The following HTR2C variants were observed in gnomAD, a reference collection of about 807,000 sequenced individuals.
HTR2C encodes the protein 5-hydroxytryptamine receptor 2C, also known as 5-hydroxytryptamine (serotonin) receptor 2C, G protein-coupled.
HTR2C carries 5 observed loss-of-function variants against 21.0 expected under a neutral mutation model. That is an observed-to-expected ratio of 0.24 (90% CI 0.12 to 0.50). The LOEUF (loss-of-function observed/expected upper bound fraction) is 0.50. Ranked by LOEUF, HTR2C falls within the 20% of genes least tolerant of loss-of-function variation. HTR2C has a pLI of 0.98. For synonymous variants in HTR2C, 150 were observed against 145.3 expected (o/e 1.03, Z -0.23); for missense variants, 271 against 371.2 (o/e 0.73, Z 2.22).
At chrX:114,798,017 A>T (rs908255437) in intron 4 of HTR2C, among the ~76,000 whole-genome samples, 8 of 110,917 alleles carry the variant, frequency 7.2e-5, no homozygotes, top group Non-Finnish European at 1.5e-4. Context: ...TCAAACAAGT[A>T]TAAATATAAA....
At chrX:114,858,850 T>C (rs1469389891) in intron 5 of HTR2C, among the ~76,000 whole-genome samples, 1 of 110,995 alleles carries the variant, frequency 9.0e-6, no homozygotes, top group African/African-American at 3.3e-5. Context: ...TTCCCTTTTA[T>C]TCTATATTTT....
chrX:114,680,680 G>T (rs1326501015), intron 2 of HTR2C, among the ~76,000 whole-genome samples: 2 of 111,261 alleles, frequency 1.8e-5, no homozygotes, highest in African/African-American at 6.5e-5. Context: ...TTCACATGGG[G>T]ATTTCATCTC....
intron 4 of HTR2C, among the ~76,000 whole-genome samples, chrX:114,821,696 A>G (rs782767853): frequency 9.0e-6 from 1 of 110,924 alleles, no homozygotes; most frequent in Non-Finnish European, 1.9e-5. Flanking sequence ...GTCATTAGTT[A>G]TTAAGAAGAT....
chrX:114,907,086 C>A lies in HTR2C; in HGVS notation c.1048C>A (p.Leu350Met). 8.3e-7 allele frequency: 1 copy of A among 1,211,279 alleles called. No individual in the cohort carries two copies. ...SCNQKLMEKL[L>M]NVFVWIGYVC... ...TAACCAAAAGCTCATGGAAAAGCTTCTGAATGTGTTTGTTTGGATTGGCTA... is the reference window on the plus strand; with the variant it reads ...TAACCAAAAGCTCATGGAAAAGCTTATGAATGTGTTTGTTTGGATTGGCTA... Residue 350 changes from leucine (L) to methionine (M), a missense_variant, in exon 6 of 6, where the codon CTG becomes ATG. Physicochemically the swap from Leu to Met is conservative, Grantham distance 15. Coordinates refer to ENST00000276198, the MANE Select transcript of HTR2C (RefSeq NM_000868.4).
chrX:114,811,766 T>C (rs782514834), intron 4 of HTR2C, among the ~76,000 whole-genome samples: 4 of 112,215 alleles, frequency 3.6e-5, no homozygotes, highest in East Asian at 2.8e-4. Flanking sequence ...TGGGAAACTA[T>C]TGCCTTCTGA....
intron 4 of HTR2C, among the ~76,000 whole-genome samples, chrX:114,826,816 T>C (rs924358327): frequency 1.8e-5 from 2 of 111,937 alleles, no homozygotes; most frequent in African/African-American, 3.2e-5. Flanking sequence ...AATGCAATTA[T>C]TGATTTGTTT....
intron 4 of HTR2C, 118 bp downstream of exon 4, chrX:114,731,725 C>T (rs1052549546): frequency 2.3e-5 from 12 of 530,666 alleles, no homozygotes; most frequent in South Asian, 8.1e-5. Flanking sequence ...AAAAGCAAAT[C>T]GTGTGACAGA....
At chrX:114,733,491 C>T (rs185449859) in intron 4 of HTR2C, among the ~76,000 whole-genome samples, 224 of 108,970 alleles carry the variant, frequency 2.1e-3, no homozygotes, top group Admixed American at 4.1e-3. Flanking sequence ...AGAAGGTCAG[C>T]TTTCAGATAA....
At chrX:114,608,168 G>A (rs1299379085) in intron 1 of HTR2C, among the ~76,000 whole-genome samples, 1 of 111,279 alleles carries the variant, frequency 9.0e-6, no homozygotes, top group Non-Finnish European at 1.9e-5. Context: ...ATTTGATCCT[G>A]TGTTCTCACA....
At chrX:114,777,415 A>T (rs1329663075) in intron 4 of HTR2C, among the ~76,000 whole-genome samples, 3 of 112,233 alleles carry the variant, frequency 2.7e-5, no homozygotes, top group Non-Finnish European at 3.8e-5. Flanking sequence ...CTAGCCTCCA[A>T]GAAAATGCTT....
chrX:114,781,562 G>A (rs185843504), intron 4 of HTR2C, among the ~76,000 whole-genome samples: 90 of 109,438 alleles, frequency 8.2e-4, no homozygotes, highest in African/African-American at 2.9e-3. Context: ...GTGCAGTGGC[G>A]TGATCACAGC....
At chrX:114,675,939 G>A (rs1002342136) in intron 2 of HTR2C, among the ~76,000 whole-genome samples, 12 of 103,274 alleles carry the variant, frequency 1.2e-4, no homozygotes, top group African/African-American at 3.9e-4. Context: ...GCACGATGTC[G>A]GCTCACTGCA....
intron 4 of HTR2C, chrX:114,775,720 G>C: frequency 1.7e-6 from 1 of 599,798 alleles, no homozygotes; most frequent in South Asian, 2.8e-5. Flanking sequence ...CTTTTCTATT[G>C]AAGATGTCTT....
intron 4 of HTR2C, among the ~76,000 whole-genome samples, chrX:114,789,804 C>T (rs901452529): frequency 3.6e-5 from 4 of 111,062 alleles, no homozygotes; most frequent in Non-Finnish European, 5.7e-5. Flanking sequence ...ACTTGATATG[C>T]GGACTAAGGC....
intron 4 of HTR2C, among the ~76,000 whole-genome samples, chrX:114,766,072 G>T (rs1317723496): frequency 8.9e-6 from 1 of 111,823 alleles, no homozygotes; most frequent in Non-Finnish European, 1.9e-5. Flanking sequence ...GTCTTTCAAA[G>T]AGAGGACACC....
intron 2 of HTR2C, among the ~76,000 whole-genome samples, chrX:114,645,791 C>A (rs1413579326): frequency 1.8e-5 from 2 of 111,425 alleles, no homozygotes; most frequent in Admixed American, 1.9e-4. Flanking sequence ...AGATATGGAC[C>A]TTTTCTGAAT....
At chrX:114,720,111 C>T (rs925658667) in intron 2 of HTR2C, among the ~76,000 whole-genome samples, 3 of 111,482 alleles carry the variant, frequency 2.7e-5, no homozygotes, top group African/African-American at 9.8e-5. Flanking sequence ...TTTCAGACCT[C>T]CCAGAGAAAG....
intron 2 of HTR2C, among the ~76,000 whole-genome samples, chrX:114,718,600 G>C: frequency 9.0e-6 from 1 of 111,372 alleles, no homozygotes; most frequent in Non-Finnish European, 1.9e-5. Flanking sequence ...TCCCCCATTT[G>C]TCTTAGCAAC....
chrX:114,894,789 C>T (rs1325064711), intron 5 of HTR2C, among the ~76,000 whole-genome samples: 1 of 110,530 alleles, frequency 9.0e-6, no homozygotes, highest in Non-Finnish European at 1.9e-5. Flanking sequence ...ATCATGATCT[C>T]GGCTCACTGC....
Sources: allele counts gnomAD v4.1 joint callset (sites outside exome capture counted in the v4.1 genomes callset), GRCh38; gene constraint gnomAD v4.1.1; transcripts MANE v1.5; gene names NCBI Gene and HGNC (gene_info 2026-07-23, HGNC 2026-07-21).